KHDRBS2: variants seen among roughly 807,000 people sequenced by gnomAD.
KHDRBS2 encodes the protein KH RNA binding domain containing, signal transduction associated 2, also known as KH domain-containing, RNA-binding, signal transduction-associated protein 2.
A neutral mutation model predicts 44.3 loss-of-function variants in KHDRBS2; 26 were observed. That is an observed-to-expected ratio of 0.59 (90% confidence interval 0.43 to 0.81). The LOEUF is 0.81. Ranked by LOEUF, KHDRBS2 falls within the 40% of genes least tolerant of loss-of-function variation. The pLI, the probability that KHDRBS2 is intolerant of heterozygous loss-of-function variation, is 0.00. For missense variants in KHDRBS2, 476 were observed against 433.1 expected (o/e 1.10, Z -0.88); for synonymous variants, 194 against 151.1 (o/e 1.28, Z -2.08).
intron 2 of KHDRBS2, among the ~76,000 whole-genome samples, chr6:62,061,557 G>A (rs541549398): frequency 0.077 from 11,531 of 149,050 alleles, 485 homozygotes; most frequent in African/African-American, 0.096. Context: ...TTAGTCTGAT[G>A]GGCTTCCCTT....
At chr6:61,958,235 T>C (rs1200401806) in intron 4 of KHDRBS2, among the ~76,000 whole-genome samples, 1 of 152,156 alleles carries the variant, frequency 6.6e-6, no homozygotes, top group Non-Finnish European at 1.5e-5. Context: ...ATTTCCATTT[T>C]CTTAACTGAA....
At chr6:62,104,915 A>G (rs2127377183) in intron 2 of KHDRBS2, among the ~76,000 whole-genome samples, 1 of 152,268 alleles carries the variant, frequency 6.6e-6, no homozygotes, top group Admixed American at 6.5e-5. Context: ...ATGAAAGAAA[A>G]GGAAAGATAA....
chr6:61,747,125 T>C (rs186438475), intron 6 of KHDRBS2, among the ~76,000 whole-genome samples: 2 of 151,904 alleles, frequency 1.3e-5, no homozygotes, highest in East Asian at 3.9e-4. Flanking sequence ...AACAAACATA[T>C]GAAAAAAAAA....
chr6:61,595,031 C>G, the KHDRBS2 span, among the ~76,000 whole-genome samples: 69 of 152,214 alleles, frequency 4.5e-4, no homozygotes, highest in African/African-American at 1.6e-3. Context: ...GACATACAGT[C>G]TCTGTTTCCT....
chr6:61,869,273 A>G (rs979158965), intron 6 of KHDRBS2, among the ~76,000 whole-genome samples: 3 of 152,150 alleles, frequency 2.0e-5, no homozygotes, highest in Non-Finnish European at 2.9e-5. Flanking sequence ...CTGCTTCTTC[A>G]CACAATTTTC....
the KHDRBS2 span, chr6:61,574,466 C>T: frequency 7.5e-7 from 1 of 1,330,696 alleles, no homozygotes; most frequent in Non-Finnish European, 1.0e-6. Flanking sequence ...CCCAATAAGC[C>T]CACAGGCTCT....
At chr6:62,069,686 T>A (rs1794539363) in intron 2 of KHDRBS2, among the ~76,000 whole-genome samples, 1 of 151,924 alleles carries the variant, frequency 6.6e-6, no homozygotes, top group South Asian at 2.1e-4. Flanking sequence ...GTAAAATGGA[T>A]GCCTTCAACC....
At chr6:61,791,098 T>G (rs1406588828) in intron 6 of KHDRBS2, among the ~76,000 whole-genome samples, 1 of 151,454 alleles carries the variant, frequency 6.6e-6, no homozygotes, top group Non-Finnish European at 1.5e-5. Context: ...TAGTTTGATC[T>G]CCTTAGCAAA....
chr6:61,856,492 G>A (rs1474585255), intron 6 of KHDRBS2, among the ~76,000 whole-genome samples: 1 of 150,940 alleles, frequency 6.6e-6, no homozygotes, highest in African/African-American at 2.4e-5. Context: ...TACTTTACTT[G>A]AAAATAGAAG....
At chr6:61,708,787 A>G (rs948022254) in intron 7 of KHDRBS2, among the ~76,000 whole-genome samples, 4 of 151,646 alleles carry the variant, frequency 2.6e-5, no homozygotes, top group Admixed American at 2.6e-4. Context: ...GAGAAAGTCA[A>G]AGATGTAAAT....
intron 6 of KHDRBS2, among the ~76,000 whole-genome samples, chr6:61,772,260 C>A (rs961792341): frequency 6.6e-6 from 1 of 152,050 alleles, no homozygotes; most frequent in Non-Finnish European, 1.5e-5. Flanking sequence ...ATTAAAGGAA[C>A]TAGAAAAGCA....
intron 6 of KHDRBS2, among the ~76,000 whole-genome samples, chr6:61,805,105 A>C (rs1415742624): frequency 6.6e-6 from 1 of 152,140 alleles, no homozygotes; most frequent in East Asian, 1.9e-4. Flanking sequence ...TGAATACATA[A>C]AACTGAATGC....
intron 2 of KHDRBS2, among the ~76,000 whole-genome samples, chr6:62,081,505 C>CA (rs1797386086): frequency 6.6e-6 from 1 of 151,962 alleles, no homozygotes. Flanking sequence ...TTTGGGGCAA[C>CA]AATAATTTAC....
intron 2 of KHDRBS2, among the ~76,000 whole-genome samples, chr6:62,052,910 C>A (rs962945170): frequency 6.6e-6 from 1 of 151,736 alleles, no homozygotes; most frequent in African/African-American, 2.4e-5. Flanking sequence ...GATTGGGGAC[C>A]CCTGGTGTAC....
intron 1 of KHDRBS2, among the ~76,000 whole-genome samples, chr6:62,245,669 A>C (rs903109752): frequency 3.3e-5 from 5 of 152,150 alleles, no homozygotes; most frequent in Non-Finnish European, 7.4e-5. Flanking sequence ...GTGTCATACA[A>C]TTTACAGACA....
chr6:62,069,984 T>A lies in KHDRBS2; in HGVS notation c.220-21990A>T, dbSNP rs553873041. Among the ~76,000 whole-genome samples the A allele has an allele frequency of 2.6e-5, 4 of 151,854 alleles. No homozygotes were observed. In the South Asian group the frequency reaches 8.3e-4, roughly 32 times the overall value. ...GGTCATTCCTTTCTATTCCTAGGAT[T>A]TTTAGTTTGTTTTGTTTTTGTGTCT... On this transcript the variant is annotated intron_variant, in intron 2 of 8. Coordinates refer to ENST00000281156, the MANE Select transcript of KHDRBS2 (RefSeq NM_152688.4).
chr6:61,863,259 G>GTTT lies in KHDRBS2; in HGVS notation c.810+31373_810+31375dup, dbSNP rs61624926. ...CCACATTTGTTGAGCTTTTGAAGGG[G>GTTT]TTTTTTTTTTTTTTTGTCTTTCAAT... On this transcript the variant is annotated intron_variant, in intron 6 of 8. Transcript: ENST00000281156. Among the ~76,000 whole-genome samples the GTTT allele has an allele frequency of 1.6e-4, 21 of 134,614 alleles. 1 individual carries two copies. The highest frequency in any genetic ancestry group is 2.3e-4 in the South Asian group (1 of 4,268). The allele number at this position is 134,614 out of a possible 152,430, so 88.3% of individuals were successfully genotyped here.
intron 7 of KHDRBS2, among the ~76,000 whole-genome samples, chr6:61,730,716 G>C (rs1050244228): frequency 6.6e-6 from 1 of 152,040 alleles, no homozygotes; most frequent in African/African-American, 2.4e-5. Flanking sequence ...GATAGGAAAG[G>C]AGACAGGGAA....
At chr6:61,910,695 AAAAAACT>A (rs1805893858) in intron 4 of KHDRBS2, among the ~76,000 whole-genome samples, 1 of 152,190 alleles carries the variant, frequency 6.6e-6, no homozygotes, top group African/African-American at 2.4e-5. Context: ...AATGAGCAAC[AAAAAACT>A]TACGTACTTG....
Sources: gnomAD v4.1 joint callset for allele counts (sites outside exome capture counted in the v4.1 genomes callset) on GRCh38, gnomAD v4.1.1 for gene constraint, MANE v1.5 for transcripts, NCBI Gene and HGNC (gene_info 2026-07-23, HGNC 2026-07-21) for gene names.